The following IL1RAPL1 variants were observed in gnomAD, a reference collection of about 807,000 sequenced individuals.
IL1RAPL1 encodes the protein interleukin 1 receptor accessory protein like 1, also known as interleukin-1 receptor accessory protein-like 1.
Under a neutral mutation model 48.4 loss-of-function variants are expected in IL1RAPL1, and 3 were observed. The observed-to-expected ratio is 0.06, with a 90% CI of 0.03 to 0.16. The LOEUF is 0.16. Among genes scored for constraint, IL1RAPL1 ranks in the 10% least tolerant of loss-of-function variants. The probability of loss-of-function intolerance (pLI) is 1.00; values close to 1 mark genes in which losing one functional copy is unlikely to be tolerated. For missense variants in IL1RAPL1, 349 were observed against 530.6 expected, an observed-to-expected ratio of 0.66 and a Z score of 3.36; for synonymous variants, 185 against 187.7, an observed-to-expected ratio of 0.99 and a Z score of 0.12.
chrX:29,365,525 G>T (rs780823043), intron 3 of IL1RAPL1, among the ~76,000 whole-genome samples: 9 of 100,537 alleles, frequency 9.0e-5, no homozygotes, highest in Non-Finnish European at 4.1e-5. Flanking sequence ...GTGAAACCCC[G>T]TCTCTACTAA....
At chrX:29,569,544 C>T (rs6526886) in intron 5 of IL1RAPL1, among the ~76,000 whole-genome samples, 8,681 of 110,118 alleles carry the variant, frequency 0.079, 577 homozygotes, top group African/African-American at 0.21. Flanking sequence ...CACTTTATCA[C>T]ATTGCTTCAA....
intron 5 of IL1RAPL1, among the ~76,000 whole-genome samples, chrX:29,513,708 A>T (rs1346800586): frequency 8.9e-6 from 1 of 112,269 alleles, no homozygotes; most frequent in African/African-American, 3.2e-5. Context: ...CTTTGAAAGA[A>T]TTGCTATTGC....
chrX:29,541,044 T>A (rs750217751), intron 5 of IL1RAPL1, among the ~76,000 whole-genome samples: 36 of 112,115 alleles, frequency 3.2e-4, no homozygotes, highest in Non-Finnish European at 5.8e-4. Flanking sequence ...GACAAAGGTC[T>A]AATATTTAGA....
intron 5 of IL1RAPL1, among the ~76,000 whole-genome samples, chrX:29,544,723 A>ATGTG (rs61595803): frequency 3.3e-4 from 34 of 101,975 alleles, no homozygotes; most frequent in Middle Eastern, 4.9e-3. Flanking sequence ...TGTGGAGATG[A>ATGTG]TGTGTGTGTG....
intron 6 of IL1RAPL1, among the ~76,000 whole-genome samples, chrX:29,787,160 C>T (rs977083899): frequency 7.2e-5 from 8 of 111,280 alleles, no homozygotes; most frequent in African/African-American, 2.6e-4. Context: ...GGGAGAGGAG[C>T]CTTTGTTCTT....
intron 5 of IL1RAPL1, among the ~76,000 whole-genome samples, chrX:29,462,104 T>A (rs762089620): frequency 1.3e-4 from 15 of 112,112 alleles, no homozygotes; most frequent in African/African-American, 4.9e-4. Flanking sequence ...TTTTATAATG[T>A]CTAAAATATA....
chrX:28,642,518 A>G (rs1186130799), intron 1 of IL1RAPL1, among the ~76,000 whole-genome samples: 1 of 112,269 alleles, frequency 8.9e-6, no homozygotes, highest in Admixed American at 9.5e-5. Context: ...TCATAACTGC[A>G]TAGCTACATG....
At chrX:29,938,339 T>C (rs1408339336) in intron 8 of IL1RAPL1, among the ~76,000 whole-genome samples, 1 of 111,807 alleles carries the variant, frequency 8.9e-6, no homozygotes, top group African/African-American at 3.2e-5. Flanking sequence ...CAGGCAAATA[T>C]TTTTTATTAT....
chrX:29,759,242 G>A (rs958759375), intron 6 of IL1RAPL1, among the ~76,000 whole-genome samples: 1 of 112,127 alleles, frequency 8.9e-6, no homozygotes, highest in Non-Finnish European at 1.9e-5. Flanking sequence ...CGTGGTTGTT[G>A]TAAGGTCTTT....
intron 6 of IL1RAPL1, among the ~76,000 whole-genome samples, chrX:29,913,637 C>G (rs1244637734): frequency 9.0e-6 from 1 of 110,912 alleles, no homozygotes; most frequent in Non-Finnish European, 1.9e-5. Context: ...AGTGCTTATT[C>G]CTTATGTGAT....
intron 1 of IL1RAPL1, among the ~76,000 whole-genome samples, chrX:28,626,023 T>G (rs1286476859): frequency 3.6e-5 from 4 of 111,938 alleles, no homozygotes; most frequent in Non-Finnish European, 7.5e-5. Context: ...ACCCATTCCA[T>G]GGGGAAACAT....
intron 1 of IL1RAPL1, among the ~76,000 whole-genome samples, chrX:28,619,807 T>C (rs936752198): frequency 9.0e-6 from 1 of 111,102 alleles, no homozygotes; most frequent in Admixed American, 9.6e-5. Context: ...AGTTTTCTTA[T>C]GCAGTGGTTA....
At chrX:29,877,861 T>A (rs1333421719) in intron 6 of IL1RAPL1, among the ~76,000 whole-genome samples, 1 of 111,937 alleles carries the variant, frequency 8.9e-6, no homozygotes, top group Non-Finnish European at 1.9e-5. Context: ...ACCAAAATCA[T>A]CATGGAAAAA....
chrX:29,214,742 C>G (rs1253387936), intron 2 of IL1RAPL1, among the ~76,000 whole-genome samples: 1 of 111,794 alleles, frequency 8.9e-6, no homozygotes, highest in Non-Finnish European at 1.9e-5. Flanking sequence ...AAACCTTCAA[C>G]TGTAAATGAT....
At chrX:29,534,716 C>A (rs369971665) in intron 5 of IL1RAPL1, among the ~76,000 whole-genome samples, 1 of 110,570 alleles carries the variant, frequency 9.0e-6, no homozygotes, top group East Asian at 2.9e-4. Flanking sequence ...TGCCTGTAAT[C>A]CCAGCACTTT....
chrX:28,693,905 C>T (rs191427371), intron 1 of IL1RAPL1, among the ~76,000 whole-genome samples: 1 of 111,946 alleles, frequency 8.9e-6, no homozygotes, highest in African/African-American at 3.2e-5. Context: ...TTATATAAGA[C>T]AAGGAATGCT....
intron 2 of IL1RAPL1, among the ~76,000 whole-genome samples, chrX:29,044,291 A>G (rs1399923328): frequency 9.1e-6 from 1 of 110,325 alleles, no homozygotes; most frequent in Non-Finnish European, 1.9e-5. Context: ...TTAGCCGAGT[A>G]TGGTTGCAGG....
chrX:29,130,726 A>G (rs776834745), intron 2 of IL1RAPL1, among the ~76,000 whole-genome samples: 19 of 111,899 alleles, frequency 1.7e-4, no homozygotes, highest in Non-Finnish European at 2.8e-4. Context: ...TCCTTCCCCT[A>G]TCACTGGAGA....
intron 2 of IL1RAPL1, among the ~76,000 whole-genome samples, chrX:28,952,940 A>G (rs947145321): frequency 3.0e-4 from 33 of 111,854 alleles, no homozygotes; most frequent in African/African-American, 1.0e-3. Flanking sequence ...TGTTTGAATT[A>G]TAAGTAGTTT....
Sources: allele counts gnomAD v4.1 joint callset (sites outside exome capture counted in the v4.1 genomes callset), GRCh38; gene constraint gnomAD v4.1.1; transcripts MANE v1.5; gene names NCBI Gene and HGNC (gene_info 2026-07-23, HGNC 2026-07-21).